Variants in DDX60 observed in about 807,000 individuals in gnomAD.
DDX60 encodes DExD/H-box helicase 60.
In DDX60, 165 loss-of-function variants were observed where a neutral mutation model predicts 212.8. That is an observed-to-expected ratio of 0.78 (90% confidence interval 0.68 to 0.88). The LOEUF (loss-of-function observed/expected upper bound fraction) is 0.88. DDX60 is among the 40% of genes least tolerant of loss of function. The pLI, the probability that DDX60 is intolerant of heterozygous loss-of-function variation, is 0.00. For synonymous variants in DDX60, 703 were observed against 685.3 expected (o/e 1.03, Z -0.40); for missense variants, 1,905 against 2,003.9 (o/e 0.95, Z 0.94).
chr4:168,261,142 A>T (rs1259598745), intron 24 of DDX60, among the ~76,000 whole-genome samples, 153 bp from the exon 25 acceptor site: 1 of 152,202 alleles, frequency 6.6e-6, no homozygotes, highest in Non-Finnish European at 1.5e-5. Context: ...GAGGCAAAGA[A>T]CCATCAAAGA....
At position 168,236,330 on chromosome 4, in the gene DDX60, T is replaced by C. The variant is rs1164112244; in HGVS notation, c.4455A>G (p.Leu1485=). 1.2e-6 allele frequency: 2 copies of C among 1,610,044 alleles called. No individual in the cohort carries two copies. The highest frequency in any genetic ancestry group is 1.7e-6 in the Non-Finnish European group (2 of 1,177,910). ...FSQDVMEKLV[L]VLAHLFGRRY... ...TTCTTCCAAAGAGATGTGCCAATACTAATACTAGCTTTTCCATAACGTCTT... is the reference window on the plus strand; with the variant it reads ...TTCTTCCAAAGAGATGTGCCAATACCAATACTAGCTTTTCCATAACGTCTT... The change falls in exon 33 of 38, where the codon TTA becomes TTG. Residue 1485 remains leucine, a synonymous_variant. Transcript: ENST00000393743.
chr4:168,275,517 A>C lies in DDX60; in HGVS notation c.2146-14T>G, dbSNP rs1487549654. ...ATTTTCTGCATCCTGCATTATTTTA[A>C]AAGTCCATTTTGAAAATGACATTGA... On this transcript the variant is annotated splice_polypyrimidine_tract_variant and intron_variant, in intron 15 of 37. Coordinates refer to ENST00000393743, the MANE Select transcript of DDX60 (RefSeq NM_017631.6). 5 of 1,575,046 alleles carry C rather than the reference A, an allele frequency of 3.2e-6. No homozygotes were observed. The South Asian group carries it at 6.1e-5, about 19-fold the overall frequency.
chr4:168,267,885 G>A lies in DDX60; in HGVS notation c.2885C>T (p.Pro962Leu), dbSNP rs1734918137. Reference sequence around the variant, plus strand: ...TTGTTTTACTTGCAAGTAGTCTTTGGGAAAGCCGGCCTGACGACCCACATG... The same window carrying A: ...TTGTTTTACTTGCAAGTAGTCTTTGAGAAAGCCGGCCTGACGACCCACATG... Reference protein sequence around the residue: ...KRHVGRQAGFPKDYLQVKQSY... With the variant: ...KRHVGRQAGFLKDYLQVKQSY... The change falls in exon 21 of 38, where the codon CCC (proline) becomes CTC (leucine). Residue 962 changes from proline to leucine, a missense_variant. Physicochemically the swap from Pro to Leu is moderately conservative, Grantham distance 98. Transcript: ENST00000393743. 6.2e-7 allele frequency: 1 copy of A among 1,613,102 alleles called. No homozygotes were observed. Among genetic ancestry groups the A allele is most frequent in the Admixed American group, 1.7e-5 (1 of 59,956 alleles).
intron 9 of DDX60, 126 bp from the exon 10 acceptor site, chr4:168,287,329 G>T: frequency 1.3e-6 from 1 of 790,456 alleles, no homozygotes; most frequent in Non-Finnish European, 2.1e-6. Flanking sequence ...TTTTTAGTGA[G>T]TTCCACACTG....
At chr4:168,294,190 A>G (rs1736240586) in intron 6 of DDX60, among the ~76,000 whole-genome samples, 1 of 152,200 alleles carries the variant, frequency 6.6e-6, no homozygotes, top group Non-Finnish European at 1.5e-5. Context: ...ATAGAATAAA[A>G]GAGCTCACTG....
chr4:168,320,037 T>C (rs2149562833), upstream of DDX60, among the ~76,000 whole-genome samples: 1 of 152,312 alleles, frequency 6.6e-6, no homozygotes, highest in Middle Eastern at 3.4e-3. Flanking sequence ...TAAAAGACTC[T>C]AGAATTTAAC....
chr4:168,290,112 G>T (rs575771198), intron 8 of DDX60, among the ~76,000 whole-genome samples: 2 of 152,024 alleles, frequency 1.3e-5, no homozygotes, highest in African/African-American at 4.8e-5. Context: ...TCTCTTGCCC[G>T]CCTCTTCAGC....
In DDX60 at chr4:168,280,334, C is replaced by T; in HGVS notation, c.1978+1G>A. 2 of 1,607,874 alleles carry T rather than the reference C, an allele frequency of 1.2e-6. No homozygotes were observed. The highest frequency in any genetic ancestry group is 1.7e-6 in the Non-Finnish European group (2 of 1,177,202). ...CGAAATAACAAAACAGAATTACATA[C>T]CTTCTTCACTTCGGCAATGTTCTTT... is the stretch of plus-strand genomic sequence containing the variant. On this transcript the variant is annotated splice_donor_variant, in intron 14 of 37. Transcript: ENST00000393743. LOFTEE classifies it high-confidence loss of function.
chr4:168,280,453 T>G lies in DDX60; in HGVS notation c.1860A>C (p.Ile620=). Residue 620 remains isoleucine (I), a synonymous_variant, in exon 14 of 38, where the codon ATA becomes ATC. Transcript: ENST00000393743. ...EQLKENLHSG[I]KSLEDFLKSC... The stretch of plus-strand genomic sequence containing the variant: ...ATTTCAAAAAATCTTCCAGGCTCTT[T>G]ATTCCAGAGTGTAAATTTTCTTTCA... The G allele has an allele frequency of 6.2e-7, 1 of 1,614,202 alleles. No individual in the cohort carries two copies.
At chr4:168,225,038 T>C (rs945792758) in intron 34 of DDX60, among the ~76,000 whole-genome samples, 1 of 152,008 alleles carries the variant, frequency 6.6e-6, no homozygotes. Context: ...AACTTAATCA[T>C]TTAAAACTCA....
intron 6 of DDX60, among the ~76,000 whole-genome samples, chr4:168,299,193 G>A (rs989885911): frequency 5.8e-5 from 8 of 137,982 alleles, no homozygotes; most frequent in African/African-American, 2.0e-4. Flanking sequence ...AATCACAAAC[G>A]TGCTTTAATC....
Position 168,254,313 on chromosome 4 carries a change from T to G in DDX60, c.3557+1398A>C, listed in dbSNP as rs139028778. ...TCCCCTCACCCTCACTTTATTTTTA[T>G]AACTTGAAGTCACTAAGAAGGCTTA... On this transcript the variant is annotated intron_variant, in intron 26 of 37. Transcript: ENST00000393743. 2.3e-3 allele frequency among the ~76,000 whole-genome samples: 344 copies of G among 152,292 alleles called. 1 individual carries two copies. The highest frequency in any genetic ancestry group is 7.4e-3 in the African/African-American group (306 of 41,568).
chr4:168,263,454 T>G (rs948326975), intron 22 of DDX60: 8 of 152,222 alleles, frequency 5.3e-5, no homozygotes, highest in African/African-American at 1.7e-4. Context: ...ATCATTTGCA[T>G]GTAGAAACAT....
In DDX60 at chr4:168,285,480, A is replaced by G; in HGVS notation, c.1358T>C (p.Val453Ala). The change falls in exon 11 of 38, where the codon GTG becomes GCG. Residue 453 changes from valine to alanine, a missense_variant. Coordinates refer to ENST00000393743, the MANE Select transcript of DDX60 (RefSeq NM_017631.6). ...CGTTGGAATAAAACCCAAATTGGGC[A>G]CCATTTCATTGGAGCTGTCTGTAAA... Reference protein sequence around the residue: ...SPIKDSSNEMVPNLGFIPTSS... With the variant: ...SPIKDSSNEMAPNLGFIPTSS... The G allele has an allele frequency of 6.2e-7, 1 of 1,609,502 alleles. No individual in the cohort carries two copies. The highest frequency in any genetic ancestry group is 1.3e-5 in the African/African-American group (1 of 74,920).
At chr4:168,222,031 G>GCC in intron 35 of DDX60, 150 bp from the exon 36 acceptor site, 1 of 780,902 alleles carries the variant, frequency 1.3e-6, no homozygotes. Context: ...GCCACACATT[G>GCC]TGGTAGCACC....
At chr4:168,285,335 T>A in intron 11 of DDX60, 58 bp downstream of exon 11, 1 of 964,286 alleles carries the variant, frequency 1.0e-6, no homozygotes, top group Non-Finnish European at 1.6e-6. Context: ...TAATCCTCGT[T>A]GAGTAACTCA....
the DDX60 span, among the ~76,000 whole-genome samples, chr4:168,324,189 T>A: frequency 6.6e-6 from 1 of 152,160 alleles, no homozygotes; most frequent in African/African-American, 2.4e-5. Flanking sequence ...GTTGCTTCCA[T>A]GACCAAAGCA....
At chr4:168,284,076 C>T (rs1735712184) in intron 12 of DDX60, among the ~76,000 whole-genome samples, 1 of 152,118 alleles carries the variant, frequency 6.6e-6, no homozygotes, top group Non-Finnish European at 1.5e-5. Context: ...CAAGATATGC[C>T]TTACTCCCTT....
At position 168,283,460 on chromosome 4, in the gene DDX60, T is replaced by C. The variant is rs1461928262; in HGVS notation, c.1708A>G (p.Ser570Gly). ...KSKKDFSGPK[S>G]KKAHETKAEI... is the part of the protein sequence containing the mutation. ...ATAGAACCTACGTGTGCCTTTTTGCTCTTGGGCCCACTAAAATCCTTCTTT... is the reference window on the plus strand; with the variant it reads ...ATAGAACCTACGTGTGCCTTTTTGCCCTTGGGCCCACTAAAATCCTTCTTT... The change falls in exon 13 of 38, where the codon AGC becomes GGC. Residue 570 changes from serine (S) to glycine (G), a missense_variant. Physicochemically the swap from Ser to Gly is moderately conservative, Grantham distance 56. Coordinates refer to ENST00000393743, the MANE Select transcript of DDX60 (RefSeq NM_017631.6). The C allele has an allele frequency of 1.2e-6, 2 of 1,613,406 alleles. No individual in the cohort carries two copies. The highest frequency in any genetic ancestry group is 2.2e-5 in the South Asian group (2 of 91,012).
Sources: gnomAD v4.1 joint callset for allele counts (sites outside exome capture counted in the v4.1 genomes callset) on GRCh38, gnomAD v4.1.1 for gene constraint, MANE v1.5 for transcripts, NCBI Gene and HGNC (gene_info 2026-07-23, HGNC 2026-07-21) for gene names.